NRXN3: variants seen among roughly 807,000 people sequenced by gnomAD.
NRXN3 encodes neurexin III.
NRXN3 carries 32 observed loss-of-function variants against 137.6 expected under a neutral mutation model. That is an observed-to-expected ratio of 0.23 (90% CI 0.18 to 0.31). The LOEUF (loss-of-function observed/expected upper bound fraction) is 0.31. NRXN3 is among the 10% of genes least tolerant of loss of function. NRXN3 has a pLI of 1.00. For synonymous variants in NRXN3, 798 were observed against 784.5 expected, an observed-to-expected ratio of 1.02 and a Z score of -0.29; for missense variants, 1,574 against 2,062.5, an observed-to-expected ratio of 0.76 and a Z score of 4.59.
chr14:79,828,238 G>C (rs968348462), intron 20 of NRXN3, among the ~76,000 whole-genome samples: 10 of 152,162 alleles, frequency 6.6e-5, no homozygotes, highest in Non-Finnish European at 1.5e-5. Flanking sequence ...ATCCTGTACT[G>C]CTCCTGGGAG....
intron 16 of NRXN3, among the ~76,000 whole-genome samples, chr14:79,500,035 T>A (rs2153670618): frequency 6.6e-6 from 1 of 151,292 alleles, no homozygotes; most frequent in Non-Finnish European, 1.5e-5. Flanking sequence ...ATGTAAGAAG[T>A]GTTGTGGTTT....
At chr14:79,732,185 A>G (rs1048565893) in intron 19 of NRXN3, among the ~76,000 whole-genome samples, 1 of 152,010 alleles carries the variant, frequency 6.6e-6, no homozygotes, top group African/African-American at 2.4e-5. Context: ...ATTCTCTCTC[A>G]GCCTCTCTGT....
chr14:78,200,163 GGGGAACTTGGTACA>G (rs1186463194), intron 1 of NRXN3, among the ~76,000 whole-genome samples: 1 of 152,136 alleles, frequency 6.6e-6, no homozygotes, highest in African/African-American at 2.4e-5. Context: ...GTCTGGTTTG[GGGGAACTTGGTACA>G]GCACAGTGGC....
intron 15 of NRXN3, chr14:79,280,818 G>A (rs1020247317): frequency 2.4e-5 from 10 of 409,892 alleles, no homozygotes; most frequent in Non-Finnish European, 4.5e-5. Context: ...TCTCTCTTTT[G>A]CAACCTTCTA....
At chr14:78,208,826 T>A (rs142565528) in intron 1 of NRXN3, among the ~76,000 whole-genome samples, 1 of 152,248 alleles carries the variant, frequency 6.6e-6, no homozygotes, top group East Asian at 1.9e-4. Context: ...CAGCAAGTAC[T>A]GTATTGTTAT....
At chr14:79,724,432 C>T (rs1389240032) in intron 19 of NRXN3, among the ~76,000 whole-genome samples, 2 of 152,132 alleles carry the variant, frequency 1.3e-5, no homozygotes, top group East Asian at 3.9e-4. Context: ...TTTCACCCCT[C>T]TTCTCTCCCT....
At chr14:78,233,997 A>T (rs1267592090) in intron 1 of NRXN3, among the ~76,000 whole-genome samples, 1 of 152,208 alleles carries the variant, frequency 6.6e-6, no homozygotes, top group Non-Finnish European at 1.5e-5. Flanking sequence ...TAATTGAATC[A>T]TGGGGGCAGA....
intron 19 of NRXN3, among the ~76,000 whole-genome samples, chr14:79,758,847 G>C (rs1429676029): frequency 6.6e-6 from 1 of 152,120 alleles, no homozygotes; most frequent in African/African-American, 2.4e-5. Context: ...ACCTCTCAAG[G>C]TTTGGTTTTC....
intron 8 of NRXN3, among the ~76,000 whole-genome samples, chr14:78,800,115 C>T (rs1270936010): frequency 6.6e-6 from 1 of 152,134 alleles, no homozygotes; most frequent in Non-Finnish European, 1.5e-5. Flanking sequence ...AACACAAGAA[C>T]TTCCATCATG....
At chr14:78,703,000 C>T (rs1029284784) in intron 6 of NRXN3, among the ~76,000 whole-genome samples, 1 of 152,122 alleles carries the variant, frequency 6.6e-6, no homozygotes, top group African/African-American at 2.4e-5. Context: ...CCCAATGTAA[C>T]ACAGTTGGTA....
chr14:79,337,344 A>G (rs1284449313), intron 15 of NRXN3, among the ~76,000 whole-genome samples: 1 of 152,220 alleles, frequency 6.6e-6, no homozygotes, highest in Non-Finnish European at 1.5e-5. Context: ...CATCTTTGTT[A>G]GAATCATTAA....
chr14:79,191,315 G>T (rs1429395181), intron 15 of NRXN3, among the ~76,000 whole-genome samples: 1 of 152,198 alleles, frequency 6.6e-6, no homozygotes, highest in African/African-American at 2.4e-5. Flanking sequence ...GCCAGAGCAG[G>T]AGTGCCTCAG....
rs200373329 is a variant in NRXN3 at position 78,391,858 on chromosome 14, T to C, written c.757+93998T>C. Among the ~76,000 whole-genome samples the C allele has an allele frequency of 3.3e-5, 5 of 152,268 alleles. No homozygotes were observed. The East Asian group carries it at 9.7e-4, about 29-fold the overall frequency. On this transcript the variant is annotated intron_variant, in intron 4 of 20. Transcript: ENST00000335750. The stretch of plus-strand genomic sequence containing the variant: ...GAACTATTTTCACAACAGCCAAAAA[T>C]TAAGAAAAATGCTTCTAGTATTATT...
intron 10 of NRXN3, among the ~76,000 whole-genome samples, chr14:78,896,021 A>G (rs540953317): frequency 1.3e-5 from 2 of 152,050 alleles, no homozygotes; most frequent in Admixed American, 1.3e-4. Context: ...TGAGAGAATT[A>G]CCAAAATGTG....
intron 1 of NRXN3, among the ~76,000 whole-genome samples, chr14:78,209,218 G>A (rs2062502305): frequency 6.6e-6 from 1 of 152,146 alleles, no homozygotes; most frequent in Non-Finnish European, 1.5e-5. Flanking sequence ...CTGAGACCTT[G>A]GTGGGCAGGA....
chr14:79,537,293 CTT>C (rs373141370), intron 16 of NRXN3, among the ~76,000 whole-genome samples: 6 of 148,378 alleles, frequency 4.0e-5, no homozygotes, highest in Non-Finnish European at 7.5e-5. Context: ...CCTTTGCCCA[CTT>C]TTTTTTTTAT....
At chr14:79,778,690 G>C (rs528932726) in intron 19 of NRXN3, among the ~76,000 whole-genome samples, 3 of 152,108 alleles carry the variant, frequency 2.0e-5, no homozygotes, top group African/African-American at 4.8e-5. Context: ...TGACTCCCAG[G>C]CCTGTTCAGT....
chr14:78,172,803 C>A (rs2153318869), intron 1 of NRXN3, among the ~76,000 whole-genome samples: 1 of 152,236 alleles, frequency 6.6e-6, no homozygotes, highest in African/African-American at 2.4e-5. Flanking sequence ...AAAATTGCTT[C>A]TTGAGAAGAG....
In NRXN3 at chr14:79,075,525, A is replaced by G. The variant is rs375623281; in HGVS notation, c.3262+87384A>G. ...CTCTCACCTGAAATTTCGACTTTAT[A>G]AACTCTTTTTATTACTGTCCTTCCT... On this transcript the variant is annotated intron_variant, in intron 15 of 20. Coordinates refer to ENST00000335750, the MANE Select transcript of NRXN3 (RefSeq NM_001330195.2). Among the ~76,000 whole-genome samples, 39 of 152,264 alleles carry G rather than the reference A, an allele frequency of 2.6e-4. 1 individual carries two copies. The highest frequency in any genetic ancestry group is 9.4e-4 in the African/African-American group (39 of 41,556).
Sources: gnomAD v4.1 joint callset for allele counts (sites outside exome capture counted in the v4.1 genomes callset) on GRCh38, gnomAD v4.1.1 for gene constraint, MANE v1.5 for transcripts, NCBI Gene and HGNC (gene_info 2026-07-23, HGNC 2026-07-21) for gene names.